The following PKNOX2 variants were observed in gnomAD, a reference collection of about 807,000 sequenced individuals.
The protein encoded by PKNOX2 is PBX/knotted 1 homeobox 2, also known as homeobox protein PKNOX2.
A neutral mutation model predicts 53.1 loss-of-function variants in PKNOX2; 14 were observed. That is an observed-to-expected ratio of 0.26 (90% CI 0.17 to 0.41). The LOEUF (loss-of-function observed/expected upper bound fraction) is 0.41, where lower values mean the gene tolerates loss of function less well. Among genes scored for constraint, PKNOX2 ranks in the 10% least tolerant of loss-of-function variants. The pLI, the probability that PKNOX2 is intolerant of heterozygous loss-of-function variation, is 1.00. For missense variants in PKNOX2, 496 were observed against 602.8 expected (o/e 0.82, Z 1.85); for synonymous variants, 257 against 242.8 (o/e 1.06, Z -0.54).
At chr11:125,361,081 T>C (rs1395684309) in intron 4 of PKNOX2, among the ~76,000 whole-genome samples, 1 of 152,126 alleles carries the variant, frequency 6.6e-6, no homozygotes, top group Non-Finnish European at 1.5e-5. Context: ...GTCAAGGAGG[T>C]AAATCTGCAG....
intron 1 of PKNOX2, among the ~76,000 whole-genome samples, chr11:125,193,794 T>G (rs1361485299): frequency 6.6e-6 from 1 of 151,992 alleles, no homozygotes; most frequent in Non-Finnish European, 1.5e-5. Context: ...GGGGCAGGCA[T>G]AGGAGGTTCA....
Position 125,166,713 on chromosome 11 carries a change from G to A in PKNOX2, c.-201+1937G>A, listed in dbSNP as rs766273799. 4.6e-5 allele frequency among the ~76,000 whole-genome samples: 7 copies of A among 152,208 alleles called. No homozygotes were observed. Among genetic ancestry groups the A allele is most frequent in the Non-Finnish European group, 1.0e-4 (7 of 68,034 alleles). ...CGGCTCAAACTCCAGTGCCCTGATTGGAGCCGCTTCCTGTGCTTACCCGCG... is the reference window on the plus strand; with the variant it reads ...CGGCTCAAACTCCAGTGCCCTGATTAGAGCCGCTTCCTGTGCTTACCCGCG... On this transcript the variant is annotated intron_variant, in intron 1 of 12. Transcript: ENST00000298282. The surrounding 1 kb of genome is among the most constrained non-coding windows in gnomAD (Gnocchi z 4.0).
chr11:125,304,555 C>G (rs1225079554), intron 2 of PKNOX2, among the ~76,000 whole-genome samples: 1 of 152,242 alleles, frequency 6.6e-6, no homozygotes, highest in Non-Finnish European at 1.5e-5. Flanking sequence ...CTGGAGGGAA[C>G]AGAACCAAGG....
intron 1 of PKNOX2, chr11:125,184,150 G>A (rs1317465861): frequency 6.6e-6 from 1 of 152,186 alleles, no homozygotes. Flanking sequence ...CCTGAGGGCG[G>A]GTCATCACAA....
At chr11:125,253,887 G>A (rs1286569666) in intron 2 of PKNOX2, among the ~76,000 whole-genome samples, 1 of 152,100 alleles carries the variant, frequency 6.6e-6, no homozygotes, top group Non-Finnish European at 1.5e-5. Flanking sequence ...GACCCACTTG[G>A]TAATAAGGGG....
rs183673930 is a variant in PKNOX2, at chr11:125,255,207, C to T, written c.-130+20092C>T. On this transcript the variant is annotated intron_variant, in intron 2 of 12. Transcript: ENST00000298282. Reference sequence around the variant, plus strand: ...ATCGGCATTGTGAAGATGAAACGAGCGAATGCATACCCAGGACTCAGAGCT... The same window carrying T: ...ATCGGCATTGTGAAGATGAAACGAGTGAATGCATACCCAGGACTCAGAGCT... Among the ~76,000 whole-genome samples the T allele has an allele frequency of 4.0e-3, 610 of 152,294 alleles. 7 individuals carry two copies. Among genetic ancestry groups the T allele is most frequent in the Non-Finnish European group, 5.3e-3 (363 of 68,032 alleles).
At chr11:125,213,460 T>A (rs967062165) in intron 1 of PKNOX2, among the ~76,000 whole-genome samples, 1 of 151,874 alleles carries the variant, frequency 6.6e-6, no homozygotes. Context: ...AAAGATTTTG[T>A]TGTTGTTGTT....
At chr11:125,316,965 C>G (rs567919238) in intron 2 of PKNOX2, among the ~76,000 whole-genome samples, 1 of 152,342 alleles carries the variant, frequency 6.6e-6, no homozygotes, top group African/African-American at 2.4e-5. Flanking sequence ...GGAGTCAATT[C>G]TCTCTAACTT....
chr11:125,428,019 T>C (rs866277671), intron 10 of PKNOX2, among the ~76,000 whole-genome samples: 1 of 152,192 alleles, frequency 6.6e-6, no homozygotes, highest in Admixed American at 6.5e-5. Flanking sequence ...TTTCTCTCCT[T>C]CTTAGCCTCT....
At chr11:125,312,505 G>A (rs117288871) in intron 2 of PKNOX2, among the ~76,000 whole-genome samples, 34 of 152,338 alleles carry the variant, frequency 2.2e-4, no homozygotes, top group Non-Finnish European at 4.4e-4. Flanking sequence ...CAGACAGGCT[G>A]TGAGGTGAAT....
intron 2 of PKNOX2, among the ~76,000 whole-genome samples, chr11:125,281,280 A>T (rs1336563190): frequency 6.6e-6 from 1 of 152,194 alleles, no homozygotes; most frequent in Non-Finnish European, 1.5e-5. Flanking sequence ...AGGCCCAGCT[A>T]ACAAAAATAC....
chr11:125,319,133 T>C (rs567646227), intron 2 of PKNOX2, among the ~76,000 whole-genome samples: 2 of 152,342 alleles, frequency 1.3e-5, no homozygotes, highest in Admixed American at 1.3e-4. Flanking sequence ...GTGAGAAACA[T>C]GGGACTCCTT....
intron 5 of PKNOX2, 26 bp downstream of exon 5, chr11:125,368,011 C>T (rs776752252): frequency 3.1e-5 from 49 of 1,603,662 alleles, no homozygotes; most frequent in Non-Finnish European, 4.1e-5. Context: ...GCTGTGTCTA[C>T]AGCCCTCAAC....
chr11:125,194,545 C>T (rs1957070954), intron 1 of PKNOX2, among the ~76,000 whole-genome samples: 1 of 152,010 alleles, frequency 6.6e-6, no homozygotes, highest in Non-Finnish European at 1.5e-5. Context: ...GCCCTCCTGC[C>T]CCCGAGTTGG....
chr11:125,294,959 A>C (rs929212787), intron 2 of PKNOX2, among the ~76,000 whole-genome samples: 1 of 152,190 alleles, frequency 6.6e-6, no homozygotes, highest in Non-Finnish European at 1.5e-5. Flanking sequence ...GCCTTGTTAG[A>C]CATGAGAACC....
chr11:125,223,959 G>A (rs974324320), intron 1 of PKNOX2, among the ~76,000 whole-genome samples: 1 of 152,246 alleles, frequency 6.6e-6, no homozygotes, highest in Non-Finnish European at 1.5e-5. Flanking sequence ...CCACAGGAAG[G>A]CAATTTAGCG....
At chr11:125,368,833 G>A (rs745544489) in intron 5 of PKNOX2, among the ~76,000 whole-genome samples, 4 of 152,186 alleles carry the variant, frequency 2.6e-5, no homozygotes, top group Non-Finnish European at 4.4e-5. Flanking sequence ...CTCCTACAGG[G>A]ACTTTAGTTA....
intron 1 of PKNOX2, among the ~76,000 whole-genome samples, chr11:125,172,255 C>T (rs1407920300): frequency 6.6e-6 from 1 of 152,190 alleles, no homozygotes; most frequent in Non-Finnish European, 1.5e-5. Context: ...TGTTTGGGTC[C>T]AGTTTCCCTT....
chr11:125,260,100 A>G (rs1400620832), intron 2 of PKNOX2, among the ~76,000 whole-genome samples: 2 of 151,718 alleles, frequency 1.3e-5, no homozygotes, highest in Non-Finnish European at 2.9e-5. Context: ...CTGGTTTTGA[A>G]TTCCTGGCCT....
Sources: allele counts gnomAD v4.1 joint callset (sites outside exome capture counted in the v4.1 genomes callset), GRCh38; gene constraint gnomAD v4.1.1; non-coding constraint Gnocchi (gnomAD v3.1); transcripts MANE v1.5; gene names NCBI Gene and HGNC (gene_info 2026-07-23, HGNC 2026-07-21).